The following ABLIM2 variants were observed in gnomAD, a reference collection of about 807,000 sequenced individuals.
The protein encoded by ABLIM2 is actin binding LIM protein family member 2.
A neutral mutation model predicts 97.7 loss-of-function variants in ABLIM2; 53 were observed. The observed-to-expected ratio is 0.54, with a 90% confidence interval of 0.44 to 0.68. ABLIM2 has a LOEUF of 0.68. Among genes scored for constraint, ABLIM2 ranks in the 30% least tolerant of loss-of-function variants. ABLIM2 has a pLI of 0.00. For synonymous variants in ABLIM2, 361 were observed against 345.8 expected (o/e 1.04, Z -0.49); for missense variants, 835 against 867.2 (o/e 0.96, Z 0.47).
intron 20 of ABLIM2, among the ~76,000 whole-genome samples, chr4:7,971,415 A>G (rs12645193): frequency 0.53 from 80,914 of 152,136 alleles, 24,164 homozygotes; most frequent in East Asian, 0.95. Flanking sequence ...AGGGTGGGGC[A>G]GCCTCACTGC....
intron 1 of ABLIM2, among the ~76,000 whole-genome samples, chr4:8,145,479 C>T (rs909851378): frequency 1.3e-5 from 2 of 152,070 alleles, no homozygotes; most frequent in Non-Finnish European, 2.9e-5. Flanking sequence ...CTACCGCGCC[C>T]GGCCAGGTAT....
intron 14 of ABLIM2, among the ~76,000 whole-genome samples, chr4:8,016,724 T>C (rs1334135809): frequency 2.6e-5 from 4 of 152,066 alleles, no homozygotes; most frequent in African/African-American, 9.7e-5. Flanking sequence ...CACCAGAAAT[T>C]CCTTCTCAAG....
In ABLIM2 at chr4:7,996,552, C is replaced by G. The variant is rs1308244690; in HGVS notation, c.1619-3625G>C. Among the ~76,000 whole-genome samples, 1 of 152,228 alleles carries G rather than the reference C, an allele frequency of 6.6e-6. No individual in the cohort carries two copies. The highest frequency in any genetic ancestry group is 1.5e-5 in the Non-Finnish European group (1 of 68,046). ...TTCTGTTTCCCCTGAGCACCCGTAT[C>G]AGATGGTGCTAGAAATTCTGCTTCA... On this transcript the variant is annotated intron_variant, in intron 16 of 20. Coordinates refer to ENST00000447017, the MANE Select transcript of ABLIM2 (RefSeq NM_001130083.2). This position sits in a 1 kb window ranked among gnomAD's most constrained non-coding sequence, Gnocchi z 4.5.
intron 20 of ABLIM2, among the ~76,000 whole-genome samples, chr4:7,972,225 C>T (rs972569217): frequency 6.6e-6 from 1 of 152,170 alleles, no homozygotes; most frequent in Admixed American, 6.5e-5. Context: ...ACGTGGCTGT[C>T]AGGTGGCCCC....
chr4:8,043,371 T>C lies in ABLIM2; in HGVS notation c.900+1793A>G, dbSNP rs34907812. ...AAACATGATCTCATTCACATGATAA[T>C]TGTCATAATCATTATTCATGAGGAT... On this transcript the variant is annotated intron_variant, in intron 9 of 20. Transcript: ENST00000447017. This position sits in a 1 kb window ranked among gnomAD's most constrained non-coding sequence, Gnocchi z 4.8. 0.17 allele frequency among the ~76,000 whole-genome samples: 25,607 copies of C among 152,156 alleles called. 2,389 individuals are homozygous for C. Among genetic ancestry groups the C allele is most frequent in the East Asian group, 0.33 (1,683 of 5,168 alleles).
chr4:8,091,439 T>C (rs1271196156), intron 3 of ABLIM2, among the ~76,000 whole-genome samples: 1 of 19,482 alleles, frequency 5.1e-5, no homozygotes, highest in Non-Finnish European at 1.3e-4. Flanking sequence ...ATATAATTAA[T>C]TATGTATTAT....
At chr4:8,056,918 C>T (rs1185374713) in intron 7 of ABLIM2, among the ~76,000 whole-genome samples, 14 of 104,464 alleles carry the variant, frequency 1.3e-4, no homozygotes, top group Admixed American at 1.1e-3. Context: ...GGCGACAGAG[C>T]GAAACTCCGT....
intron 6 of ABLIM2, chr4:8,066,978 G>A (rs1386471449): frequency 6.6e-6 from 1 of 152,214 alleles, no homozygotes; most frequent in Admixed American, 6.5e-5. Flanking sequence ...ACCAAGCATT[G>A]TGTCAGGTGC....
In ABLIM2 at chr4:8,036,365, C is replaced by T. The variant is rs190338419; in HGVS notation, c.901-70G>A. ...ACCCCAGAGGGCAGCACCCCCAAAGCCGGATGCATCCCACAGGACAGTGCC... is the reference window on the plus strand; with the variant it reads ...ACCCCAGAGGGCAGCACCCCCAAAGTCGGATGCATCCCACAGGACAGTGCC... On this transcript the variant is annotated intron_variant, in intron 9 of 20. Coordinates refer to ENST00000447017, the MANE Select transcript of ABLIM2 (RefSeq NM_001130083.2). 2.6e-6 allele frequency: 4 copies of T among 1,554,138 alleles called. No homozygotes were observed. The Admixed American group carries it at 6.8e-5, about 27-fold the overall frequency.
At chr4:8,117,499 C>T (rs1157764678) in intron 1 of ABLIM2, among the ~76,000 whole-genome samples, 1 of 150,886 alleles carries the variant, frequency 6.6e-6, no homozygotes, top group Non-Finnish European at 1.5e-5. Flanking sequence ...CCACTGCAGA[C>T]TCCACCCGCT....
rs1181127012 is a variant in ABLIM2, at chr4:7,998,514, T to C, written c.1619-5587A>G. 2.0e-5 allele frequency: 9 copies of C among 439,080 alleles called. No homozygotes were observed. The East Asian group carries it at 6.4e-4, about 31-fold the overall frequency. The allele number at this position is 439,080 out of a possible 1,614,324, so 27.2% of individuals were successfully genotyped here. A position where few individuals can be genotyped will look rare whatever the true frequency, so the allele number is the denominator to read the frequency against. On this transcript the variant is annotated intron_variant, in intron 16 of 20. Transcript: ENST00000447017. The surrounding 1 kb of genome is among the most constrained non-coding windows in gnomAD (Gnocchi z 6.4). Reference sequence around the variant, plus strand: ...TGGGGATAAAATGCCCTTCTTGGGGTGTCCTGTGTCGCTGGGTGGGGGTGG... The same window carrying C: ...TGGGGATAAAATGCCCTTCTTGGGGCGTCCTGTGTCGCTGGGTGGGGGTGG...
rs367551628 is a variant in ABLIM2 at position 8,061,025 on chromosome 4, G to C, written c.705C>G (p.Cys235Trp). The change falls in exon 7 of 21, where the codon TGC becomes TGG. Residue 235 changes from cysteine (C) to tryptophan (W), a missense_variant. Physicochemically the swap from Cys to Trp is radical, Grantham distance 215. Transcript: ENST00000447017. The surrounding 1 kb of genome is among the most constrained non-coding windows in gnomAD (Gnocchi z 4.5). ...EAGEKHYHPS[C>W]ALCVRCGQMF... Reference sequence around the variant, plus strand: ...TCTGGCCGCACCTGACACATAGCGCGCAGGAAGGGTGGTAGTGCTTCTCTC... The same window carrying C: ...TCTGGCCGCACCTGACACATAGCGCCCAGGAAGGGTGGTAGTGCTTCTCTC... 1 of 1,597,702 alleles carries C rather than the reference G, an allele frequency of 6.3e-7. No homozygotes were observed. Among genetic ancestry groups the C allele is most frequent in the East Asian group, 2.3e-5 (1 of 44,244 alleles).
rs572309630 is a variant in ABLIM2 at position 7,986,663 on chromosome 4, A to G, written c.1681-1770T>C. 9.2e-5 allele frequency among the ~76,000 whole-genome samples: 14 copies of G among 152,018 alleles called. No homozygotes were observed. The highest frequency in any genetic ancestry group is 2.1e-4 in the Non-Finnish European group (14 of 67,992). ...CAAAATAATTCTTGCCTTCAGGGGTATTCACAAAGAATTTCTTTTTTTTCT... is the reference window on the plus strand; with the variant it reads ...CAAAATAATTCTTGCCTTCAGGGGTGTTCACAAAGAATTTCTTTTTTTTCT... On this transcript the variant is annotated intron_variant, in intron 17 of 20. Transcript: ENST00000447017. This position sits in a 1 kb window ranked among gnomAD's most constrained non-coding sequence, Gnocchi z 4.3.
intron 1 of ABLIM2, among the ~76,000 whole-genome samples, chr4:8,153,958 C>A (rs370460840): frequency 1.0e-5 from 1 of 99,238 alleles, no homozygotes; most frequent in South Asian, 3.7e-4. Flanking sequence ...AATTAAACTT[C>A]TTTTCTTTTT....
rs185128170 is a variant in ABLIM2, at chr4:8,149,807, C to T, written c.10+8873G>A. Among the ~76,000 whole-genome samples, 180 of 152,220 alleles carry T rather than the reference C, an allele frequency of 1.2e-3. 2 individuals carry two copies. Among genetic ancestry groups the T allele is most frequent in the African/African-American group, 3.8e-3 (156 of 41,538 alleles). On this transcript the variant is annotated intron_variant, in intron 1 of 20. Coordinates refer to ENST00000447017, the MANE Select transcript of ABLIM2 (RefSeq NM_001130083.2). This position sits in a 1 kb window ranked among gnomAD's most constrained non-coding sequence, Gnocchi z 6.4. ...GCTGAGACTTCCCCAGCACCTCACA[C>T]TCAGGACTGGCCCTGCGCCCAGACA...
chr4:8,055,480 G>A (rs548009947), intron 7 of ABLIM2, among the ~76,000 whole-genome samples: 21 of 152,314 alleles, frequency 1.4e-4, no homozygotes, highest in African/African-American at 4.8e-4. Context: ...CCCTGTGATG[G>A]GCTGGCACTG....
chr4:8,029,585 C>CCAAAAAAAAAAAAAA (rs1491231540), intron 11 of ABLIM2, 71 bp downstream of exon 11: 1 of 909,804 alleles, frequency 1.1e-6, no homozygotes, highest in African/African-American at 2.9e-5. Flanking sequence ...AAAAAAAAAA[C>CCAAAAAAAAAAAAAA]TAAAAAAAAA....
At chr4:8,041,954 C>T (rs553547456) in intron 9 of ABLIM2, among the ~76,000 whole-genome samples, 3 of 152,092 alleles carry the variant, frequency 2.0e-5, no homozygotes, top group African/African-American at 7.2e-5. Context: ...TACTATGTGC[C>T]GTGCAGGTTC....
At chr4:8,035,125 G>A (rs1200904924) in intron 10 of ABLIM2, among the ~76,000 whole-genome samples, 1 of 151,750 alleles carries the variant, frequency 6.6e-6, no homozygotes, top group Non-Finnish European at 1.5e-5. Context: ...GGTGTGGGTC[G>A]TGATGCCTTC....
Sources: gnomAD v4.1 joint callset for allele counts (sites outside exome capture counted in the v4.1 genomes callset) on GRCh38, gnomAD v4.1.1 for gene constraint, Gnocchi (gnomAD v3.1) non-coding constraint, MANE v1.5 for transcripts, NCBI Gene and HGNC (gene_info 2026-07-23, HGNC 2026-07-21) for gene names.